Variants in NBEA observed in about 807,000 individuals in gnomAD.
NBEA encodes lysosomal-trafficking regulator 2.
Under a neutral mutation model 343.4 loss-of-function variants are expected in NBEA, and 44 were observed. That is an observed-to-expected ratio of 0.13 (90% CI 0.10 to 0.16). NBEA has a LOEUF of 0.16. NBEA is among the 10% of genes least tolerant of loss of function. The probability of loss-of-function intolerance (pLI) is 1.00; values close to 1 mark genes in which losing one functional copy is unlikely to be tolerated. For synonymous variants in NBEA, 1,175 were observed against 1,238.7 expected, an observed-to-expected ratio of 0.95 and a Z score of 1.08; for missense variants, 2,555 against 3,631.3, an observed-to-expected ratio of 0.70 and a Z score of 7.62.
intron 41 of NBEA, among the ~76,000 whole-genome samples, chr13:35,478,863 G>A (rs2075999630): frequency 6.6e-6 from 1 of 152,260 alleles, no homozygotes; most frequent in Admixed American, 6.5e-5. Context: ...GACAGCCGAG[G>A]ACGGGGAGGC....
In NBEA at chr13:35,045,419, G is replaced by A. The variant is rs2062813092; in HGVS notation, c.723+18G>A. ...GCGCTGCGGTAAGTTTTAAATACAT[G>A]TGCTGATTTTTATTTATTTATTTTT... is the stretch of plus-strand genomic sequence containing the variant. On this transcript the variant is annotated intron_variant, in intron 4 of 58. Coordinates refer to ENST00000379939, the MANE Select transcript of NBEA (RefSeq NM_001385012.1). 1.3e-6 allele frequency: 2 copies of A among 1,544,178 alleles called. No individual in the cohort carries two copies. The highest frequency in any genetic ancestry group is 1.8e-6 in the Non-Finnish European group (2 of 1,132,288).
intron 38 of NBEA, among the ~76,000 whole-genome samples, chr13:35,426,289 T>G (rs901489587): frequency 3.3e-5 from 5 of 152,202 alleles, no homozygotes; most frequent in Admixed American, 2.0e-4. Context: ...CTGCTGCCGG[T>G]TGTTCCTTTC....
chr13:35,538,349 G>A (rs531116403), intron 41 of NBEA, among the ~76,000 whole-genome samples: 1 of 152,090 alleles, frequency 6.6e-6, no homozygotes, highest in South Asian at 2.1e-4. Flanking sequence ...AGAAAGCAAA[G>A]GTGTCACTAC....
chr13:35,319,468 T>C (rs569220818), intron 36 of NBEA, among the ~76,000 whole-genome samples: 3 of 151,824 alleles, frequency 2.0e-5, no homozygotes, highest in Admixed American at 6.6e-5. Context: ...GAGACTGTTA[T>C]GATATCCATT....
chr13:35,313,713 T>C (rs2037523581), intron 36 of NBEA, among the ~76,000 whole-genome samples: 1 of 152,074 alleles, frequency 6.6e-6, no homozygotes, highest in African/African-American at 2.4e-5. Context: ...AATAAATATG[T>C]GAAGGACAAC....
chr13:35,122,404 G>A (rs573983654), intron 16 of NBEA, among the ~76,000 whole-genome samples: 2 of 152,086 alleles, frequency 1.3e-5, no homozygotes, highest in African/African-American at 2.4e-5. Flanking sequence ...AAAATGATGA[G>A]TTCATGTCCT....
At chr13:35,466,201 T>C (rs2075379406) in intron 40 of NBEA, among the ~76,000 whole-genome samples, 2 of 152,134 alleles carry the variant, frequency 1.3e-5, no homozygotes, top group Non-Finnish European at 1.5e-5. Context: ...GAAACTATGA[T>C]CTGTGGGGAT....
intron 48 of NBEA, among the ~76,000 whole-genome samples, chr13:35,612,620 G>A (rs1593366625): frequency 6.6e-6 from 1 of 152,092 alleles, no homozygotes; most frequent in Non-Finnish European, 1.5e-5. Flanking sequence ...TATTACTGAT[G>A]TGCCTAAATG....
chr13:35,665,882 C>T (rs1205423009), intron 56 of NBEA, among the ~76,000 whole-genome samples: 3 of 152,206 alleles, frequency 2.0e-5, no homozygotes, highest in Admixed American at 2.0e-4. Context: ...CCCACCTCAG[C>T]CTCCCAAATT....
intron 48 of NBEA, among the ~76,000 whole-genome samples, chr13:35,627,060 T>C (rs1290576480): frequency 6.6e-6 from 1 of 152,150 alleles, no homozygotes; most frequent in Non-Finnish European, 1.5e-5. Flanking sequence ...ACTTAAAAAA[T>C]GAAAAGCAGT....
At chr13:35,568,897 C>T (rs2080262551) in intron 45 of NBEA, among the ~76,000 whole-genome samples, 1 of 152,178 alleles carries the variant, frequency 6.6e-6, no homozygotes, top group African/African-American at 2.4e-5. Flanking sequence ...ACATTCAAAT[C>T]CTAATTCTGC....
chr13:35,531,135 CAG>C (rs1337634161), intron 41 of NBEA, among the ~76,000 whole-genome samples: 2 of 152,142 alleles, frequency 1.3e-5, no homozygotes, highest in South Asian at 2.1e-4. Context: ...TACATTTCTA[CAG>C]AGTCATGATT....
At chr13:35,239,570 C>T (rs920169651) in intron 34 of NBEA, among the ~76,000 whole-genome samples, 6 of 151,994 alleles carry the variant, frequency 3.9e-5, no homozygotes, top group Non-Finnish European at 2.9e-5. Context: ...GAAAGGCGAT[C>T]CAGATATAAA....
chr13:35,371,410 A>T (rs1267716734), intron 38 of NBEA, among the ~76,000 whole-genome samples: 2 of 151,640 alleles, frequency 1.3e-5, no homozygotes, highest in Non-Finnish European at 2.9e-5. Context: ...GAAGCTTTCT[A>T]ATGTATTTTT....
intron 38 of NBEA, among the ~76,000 whole-genome samples, chr13:35,380,167 G>T (rs972735534): frequency 2.6e-5 from 4 of 151,966 alleles, no homozygotes; most frequent in Non-Finnish European, 5.9e-5. Flanking sequence ...AGTTTTGGCC[G>T]GGCACGGTGG....
At chr13:35,411,574 C>T (rs2043587693) in intron 38 of NBEA, among the ~76,000 whole-genome samples, 1 of 151,974 alleles carries the variant, frequency 6.6e-6, no homozygotes, top group African/African-American at 2.4e-5. Context: ...CCTCCTGCCT[C>T]ACCTCCTGAA....
chr13:35,556,009 T>G (rs990378316), intron 44 of NBEA, among the ~76,000 whole-genome samples: 9 of 152,004 alleles, frequency 5.9e-5, no homozygotes, highest in Non-Finnish European at 1.3e-4. Flanking sequence ...AATATAGATA[T>G]GTATTAAATA....
At chr13:35,428,048 T>C (rs1295088536) in intron 38 of NBEA, among the ~76,000 whole-genome samples, 1 of 152,146 alleles carries the variant, frequency 6.6e-6, no homozygotes, top group African/African-American at 2.4e-5. Flanking sequence ...TTTCTTTGAC[T>C]AGGAAAGGGA....
At chr13:35,347,674 T>TTCC (rs1303859548) in intron 36 of NBEA, among the ~76,000 whole-genome samples, 1 of 151,970 alleles carries the variant, frequency 6.6e-6, no homozygotes, top group East Asian at 1.9e-4. Context: ...TCCCCTCCTC[T>TTCC]TCCTCCTCCT....
Sources: gnomAD v4.1 joint callset for allele counts (sites outside exome capture counted in the v4.1 genomes callset) on GRCh38, gnomAD v4.1.1 for gene constraint, MANE v1.5 for transcripts, NCBI Gene and HGNC (gene_info 2026-07-23, HGNC 2026-07-21) for gene names.